Variants in SLC30A1 observed in about 807,000 individuals in gnomAD.
The protein encoded by SLC30A1 is solute carrier family 30 member 1.
Under a neutral mutation model 29.8 loss-of-function variants are expected in SLC30A1, and 7 were observed. The ratio of observed to expected loss-of-function variants is 0.23; its 90% confidence interval spans 0.13 to 0.44. The LOEUF (loss-of-function observed/expected upper bound fraction) is 0.44, where lower values mean the gene tolerates loss of function less well. SLC30A1 is among the 20% of genes least tolerant of loss of function. SLC30A1 has a pLI of 1.00. For synonymous variants in SLC30A1, 254 were observed against 253.5 expected, an observed-to-expected ratio of 1.00 and a Z score of -0.02; for missense variants, 446 against 647.9, an observed-to-expected ratio of 0.69 and a Z score of 3.38.
At chr1:211,576,415 C>A in intron 1 of SLC30A1, 126 bp from the exon 2 acceptor site, 1 of 612,012 alleles carries the variant, frequency 1.6e-6, no homozygotes, top group Non-Finnish European at 2.8e-6. Context: ...AAAAAATGTG[C>A]TCAGAGCAAT....
chr1:211,578,244 C>G lies in SLC30A1; in HGVS notation c.369G>C (p.Gly123=). The stretch of plus-strand genomic sequence containing the variant: ...AGAGCCCCAGCACGTTGACCAGCAG[C>G]CCGGCCACGCCGACCCCAAGGACCA... ...PLVVLGVGVA[G]LLVNVLGLCL... is the part of the protein sequence containing the mutation. Residue 123 remains glycine (G), a synonymous_variant, in exon 1 of 2, where the codon GGG becomes GGC. Coordinates refer to ENST00000367001, the MANE Select transcript of SLC30A1 (RefSeq NM_021194.3). 2 of 1,611,890 alleles carry G rather than the reference C, an allele frequency of 1.2e-6. No homozygotes were observed. The highest frequency in any genetic ancestry group is 1.7e-6 in the Non-Finnish European group (2 of 1,179,420).
chr1:211,576,408 A>T, intron 1 of SLC30A1, 119 bp from the exon 2 acceptor site: 2 of 632,698 alleles, frequency 3.2e-6, no homozygotes. Context: ...ACAATTAAAA[A>T]AATGTGCTCA....
At position 211,575,377 on chromosome 1, in the gene SLC30A1, T is replaced by G; in HGVS notation, c.*11A>C. On this transcript the variant is annotated 3_prime_UTR_variant, in exon 2 of 2. Coordinates refer to ENST00000367001, the MANE Select transcript of SLC30A1 (RefSeq NM_021194.3). This position sits in a 1 kb window ranked among gnomAD's most constrained non-coding sequence, Gnocchi z 6.0. ...TAAAGCAAAAGTCAAATATCACATCTTTTTCAAGACTCACAAAGATGATTC... is the reference window on the plus strand; with the variant it reads ...TAAAGCAAAAGTCAAATATCACATCGTTTTCAAGACTCACAAAGATGATTC... The G allele has an allele frequency of 6.4e-7, 1 of 1,556,966 alleles. No individual in the cohort carries two copies. The highest frequency in any genetic ancestry group is 8.7e-7 in the Non-Finnish European group (1 of 1,155,810).
At chr1:211,576,392 G>C (rs3738198) in intron 1 of SLC30A1, 103 bp from the exon 2 acceptor site, 96,939 of 725,776 alleles carry the variant, frequency 0.13, 7,151 homozygotes, top group African/African-American at 0.22. Context: ...AATTTTTTCA[G>C]AAAGTACAAT....
chr1:211,575,495 T>C lies in SLC30A1; in HGVS notation c.1417A>G (p.Ser473Gly). ...CTGGGCTTCTTCTCTAGATTGTTAC[T>C]AAGTTCTAAACAAGAAATGCTAACT... ...PAVSISCLEL[S>G]NNLEKKPRRT... The change falls in exon 2 of 2, where the codon AGT (serine) becomes GGT (glycine). Residue 473 changes from serine (S) to glycine (G), a missense_variant. Physicochemically the swap from Ser to Gly is moderately conservative, Grantham distance 56. This residue lies in a region of SLC30A1 where 187 missense variants were observed against 312.7 expected (regional missense o/e 0.60). Coordinates refer to ENST00000367001, the MANE Select transcript of SLC30A1 (RefSeq NM_021194.3). This position sits in a 1 kb window ranked among gnomAD's most constrained non-coding sequence, Gnocchi z 6.0. 1 of 1,614,184 alleles carries C rather than the reference T, an allele frequency of 6.2e-7. No individual in the cohort carries two copies. Among genetic ancestry groups the C allele is most frequent in the Non-Finnish European group, 8.5e-7 (1 of 1,179,978 alleles).
rs771142973 is a variant in SLC30A1 at position 211,576,217 on chromosome 1, T to C, written c.695A>G (p.His232Arg). 5.0e-6 allele frequency: 8 copies of C among 1,612,884 alleles called. No homozygotes were observed. The highest frequency in any genetic ancestry group is 1.6e-4 in the Middle Eastern group (1 of 6,082). Residue 232 changes from histidine (H) to arginine (R), a missense_variant, in exon 2 of 2, where the codon CAT (histidine) becomes CGT (arginine). Transcript: ENST00000367001. ...VNGNLVREPD[H>R]MELEEDRAGQ... ...AGCCCTATCTTCTTCCAGTTCCATA[T>C]GGTCAGGTTCTCTGACAAGATTTCC...
rs1340319925 is a variant in SLC30A1 at position 211,576,797 on chromosome 1, G to A, written c.623-508C>T. On this transcript the variant is annotated intron_variant, in intron 1 of 1. Coordinates refer to ENST00000367001, the MANE Select transcript of SLC30A1 (RefSeq NM_021194.3). ...TATGAATATAAAAGTTTCTTGGTAG[G>A]GGGGTTTAAAAACTGACAAATCAAC... 2.6e-5 allele frequency among the ~76,000 whole-genome samples: 4 copies of A among 151,996 alleles called. No homozygotes were observed. The East Asian group carries it at 7.7e-4, about 29-fold the overall frequency.
At chr1:211,576,376 G>A in intron 1 of SLC30A1, 87 bp from the exon 2 acceptor site, 1 of 906,284 alleles carries the variant, frequency 1.1e-6, no homozygotes, top group South Asian at 2.1e-5. Flanking sequence ...TGGTGATGAA[G>A]GTGAAAATTT....
rs1286862147 is a variant in SLC30A1 at position 211,573,722 on chromosome 1, A to C, written c.*1666T>G. On this transcript the variant is annotated 3_prime_UTR_variant, in exon 2 of 2. Coordinates refer to ENST00000367001, the MANE Select transcript of SLC30A1 (RefSeq NM_021194.3). ...TTACACAATATCAGATAAGAATATT[A>C]AAAGATCAAGATGTATTGCAAACTG... is the stretch of plus-strand genomic sequence containing the variant. 10 of 152,102 alleles carry C rather than the reference A, an allele frequency of 6.6e-5. No individual in the cohort carries two copies. The highest frequency in any genetic ancestry group is 1.5e-4 in the Non-Finnish European group (10 of 67,912). The allele number at this position is 152,102 out of a possible 1,614,324, so 9.4% of individuals were successfully genotyped here. A position where few individuals can be genotyped will look rare whatever the true frequency, so the allele number is the denominator to read the frequency against.
At position 211,578,591 on chromosome 1, in the gene SLC30A1, G is replaced by T; in HGVS notation, c.22C>A (p.Arg8=). ...GCCAGCATGCACAGCAGCCGGCCCC[G>T]GTTCCGACCCCAACACCCCATGGCT... MGCWGRN[R]GRLLCMLALT... The change falls in exon 1 of 2, where the codon CGG becomes AGG. Residue 8 remains arginine, a synonymous_variant. Transcript: ENST00000367001. 2.5e-6 allele frequency: 4 copies of T among 1,599,748 alleles called. No homozygotes were observed. The highest frequency in any genetic ancestry group is 1.7e-5 in the Admixed American group (1 of 59,620).
At position 211,576,207 on chromosome 1, in the gene SLC30A1, C is replaced by T. The variant is rs778176319; in HGVS notation, c.705G>A (p.Leu235=). 7.4e-6 allele frequency: 12 copies of T among 1,613,218 alleles called. No homozygotes were observed. The highest frequency in any genetic ancestry group is 1.0e-5 in the Non-Finnish European group (12 of 1,179,792). Residue 235 remains leucine (L), a synonymous_variant, in exon 2 of 2, where the codon CTG becomes CTA. Transcript: ENST00000367001. ...TAAGTTGTCCAGCCCTATCTTCTTC[C>T]AGTTCCATATGGTCAGGTTCTCTGA... is the stretch of plus-strand genomic sequence containing the variant. The part of the protein sequence containing the change: ...NLVREPDHME[L]EEDRAGQLNM...
rs1706703987 is a variant in SLC30A1 at position 211,575,223 on chromosome 1, T to C, written c.*165A>G. On this transcript the variant is annotated 3_prime_UTR_variant, in exon 2 of 2. Coordinates refer to ENST00000367001, the MANE Select transcript of SLC30A1 (RefSeq NM_021194.3). This position sits in a 1 kb window ranked among gnomAD's most constrained non-coding sequence, Gnocchi z 6.0. Reference sequence around the variant, plus strand: ...TACTAATAATCACAAAATTGTAATATAGAACTCTGTTATGCAGTCCCATTA... The same window carrying C: ...TACTAATAATCACAAAATTGTAATACAGAACTCTGTTATGCAGTCCCATTA... 5 of 628,880 alleles carry C rather than the reference T, an allele frequency of 8.0e-6. No individual in the cohort carries two copies. Among genetic ancestry groups the C allele is most frequent in the Admixed American group, 3.1e-5 (1 of 31,998 alleles). The allele number at this position is 628,880 out of a possible 1,614,324, so 39.0% of individuals were successfully genotyped here. A position where few individuals can be genotyped will look rare whatever the true frequency, so the allele number is the denominator to read the frequency against.
chr1:211,576,411 T>C (rs1021972693), intron 1 of SLC30A1, 122 bp from the exon 2 acceptor site: 2 of 626,740 alleles, frequency 3.2e-6, no homozygotes, highest in Non-Finnish European at 2.7e-6. Context: ...ATTAAAAAAA[T>C]GTGCTCAGAG....
Position 211,577,932 on chromosome 1 carries a change from A to T in SLC30A1, c.622+59T>A. Reference sequence around the variant, plus strand: ...CGTGCGGGCCACCCCGCCGAAGGCCAGGCGAGGCTCTGGGCACCCCAAACC... The same window carrying T: ...CGTGCGGGCCACCCCGCCGAAGGCCTGGCGAGGCTCTGGGCACCCCAAACC... On this transcript the variant is annotated intron_variant, in intron 1 of 1. Transcript: ENST00000367001. The surrounding 1 kb of genome is among the most constrained non-coding windows in gnomAD (Gnocchi z 4.5). 1 of 1,599,060 alleles carries T rather than the reference A, an allele frequency of 6.3e-7. No homozygotes were observed. Among genetic ancestry groups the T allele is most frequent in the Non-Finnish European group, 8.5e-7 (1 of 1,173,320 alleles).
chr1:211,578,643 C>T lies in SLC30A1; in HGVS notation c.-31G>A. On this transcript the variant is annotated 5_prime_UTR_variant, in exon 1 of 2. Coordinates refer to ENST00000367001, the MANE Select transcript of SLC30A1 (RefSeq NM_021194.3). ...CGGCTGCGGGGCCCGCCGAGCCCGG[C>T]CCGGAGACTGGTGCAGCGGCGGCGT... The T allele has an allele frequency of 2.0e-6, 3 of 1,499,914 alleles. No individual in the cohort carries two copies. Among genetic ancestry groups the T allele is most frequent in the Non-Finnish European group, 2.6e-6 (3 of 1,132,234 alleles). The allele number at this position is 1,499,914 out of a possible 1,614,324, so 92.9% of individuals were successfully genotyped here.
At position 211,572,060 on chromosome 1, in the gene SLC30A1, TACAAA is replaced by T. The variant is rs1706660048; in HGVS notation, c.*3323_*3327del. 1.3e-5 allele frequency: 2 copies of T among 152,106 alleles called. No homozygotes were observed. Among genetic ancestry groups the T allele is most frequent in the Non-Finnish European group, 2.9e-5 (2 of 67,944 alleles). 9.4% of individuals were successfully genotyped at this position (152,106 alleles called of 1,614,324 possible). ...GTTTAAAAGTTTAAATTGAATAACA[TACAAA>T]AGGCTCTTGTGCCAGTGAAAATGAC... is the stretch of plus-strand genomic sequence containing the variant. On this transcript the variant is annotated 3_prime_UTR_variant, in exon 2 of 2. Transcript: ENST00000367001.
In SLC30A1 at chr1:211,578,203, T is replaced by C; in HGVS notation, c.410A>G (p.His137Arg). ...GCCGGAGTCCTGGCTGAAGCCGCTG[T>C]GATGGTGGAAGAGGCAGAGCCCCAG... ...NVLGLCLFHH[H>R]SGFSQDSGHG... Residue 137 changes from histidine to arginine, a missense_variant, in exon 1 of 2, where the codon CAC becomes CGC. By Grantham distance (29) the His-to-Arg change is conservative. This residue lies in a region of SLC30A1 where 159 missense variants were observed against 161.1 expected (regional missense o/e 0.99). Transcript: ENST00000367001. 6.2e-7 allele frequency: 1 copy of C among 1,611,006 alleles called. No individual in the cohort carries two copies. The highest frequency in any genetic ancestry group is 8.5e-7 in the Non-Finnish European group (1 of 1,179,138).
rs1352566363 is a variant in SLC30A1, at chr1:211,573,574, T to C, written c.*1814A>G. 1 of 152,198 alleles carries C rather than the reference T, an allele frequency of 6.6e-6. No individual in the cohort carries two copies. The highest frequency in any genetic ancestry group is 2.4e-5 in the African/African-American group (1 of 41,572). 9.4% of individuals were successfully genotyped at this position (152,198 alleles called of 1,614,324 possible). On this transcript the variant is annotated 3_prime_UTR_variant, in exon 2 of 2. Transcript: ENST00000367001. ...AGTATTAAATCAGGAATGTACATGA[T>C]ACAGTACAATTCACAGCTTTCTCTT...
chr1:211,578,373 C>A lies in SLC30A1; in HGVS notation c.240G>T (p.Met80Ile). ...NTFGWIRAEV[M>I]GALVNAIFLT... is the part of the protein sequence containing the mutation. Reference sequence around the variant, plus strand: ...GGAAGATGGCGTTCACCAGAGCCCCCATTACCTCGGCTCGGATCCAGCCGA... The same window carrying A: ...GGAAGATGGCGTTCACCAGAGCCCCAATTACCTCGGCTCGGATCCAGCCGA... The change falls in exon 1 of 2, where the codon ATG becomes ATT. Residue 80 changes from methionine (M) to isoleucine (I), a missense_variant. By Grantham distance (10) the Met-to-Ile change is conservative. Around this residue, in one of 5 missense-constraint regions of SLC30A1, gnomAD observed 37 missense variants for 64.0 expected, o/e 0.58. Transcript: ENST00000367001. 6.2e-7 allele frequency: 1 copy of A among 1,613,894 alleles called. No individual in the cohort carries two copies. Among genetic ancestry groups the A allele is most frequent in the Non-Finnish European group, 8.5e-7 (1 of 1,179,946 alleles).
Sources: allele counts gnomAD v4.1 joint callset (sites outside exome capture counted in the v4.1 genomes callset), GRCh38; gene constraint gnomAD v4.1.1; regional missense constraint gnomAD v4.1.1; non-coding constraint Gnocchi (gnomAD v3.1); transcripts MANE v1.5; gene names NCBI Gene and HGNC (gene_info 2026-07-23, HGNC 2026-07-21).